The following BACH1 variants were observed in gnomAD, a reference collection of about 807,000 sequenced individuals.
The protein encoded by BACH1 is transcription regulator protein BACH1.
BACH1 carries 35 observed loss-of-function variants against 52.9 expected under a neutral mutation model. The ratio of observed to expected loss-of-function variants is 0.66; its 90% confidence interval spans 0.51 to 0.88. The LOEUF (loss-of-function observed/expected upper bound fraction) is 0.88. Ranked by LOEUF, BACH1 falls within the 40% of genes least tolerant of loss-of-function variation. The probability of loss-of-function intolerance (pLI) is 0.00; values close to 1 mark genes in which losing one functional copy is unlikely to be tolerated. For synonymous variants in BACH1, 321 were observed against 319.6 expected (o/e 1.00, Z -0.05); for missense variants, 808 against 872.6 (o/e 0.93, Z 0.93).
intron 2 of BACH1, among the ~76,000 whole-genome samples, chr21:29,358,098 G>A (rs1341079643): frequency 6.6e-6 from 1 of 152,254 alleles, no homozygotes; most frequent in African/African-American, 2.4e-5. Flanking sequence ...GGACACAGGG[G>A]AGAAGGAGGG....
At chr21:29,331,242 T>C (rs764927606) in intron 4 of BACH1, among the ~76,000 whole-genome samples, 5 of 152,226 alleles carry the variant, frequency 3.3e-5, no homozygotes, top group Non-Finnish European at 5.9e-5. Context: ...GAATGAAATC[T>C]ACATAAAATT....
intron 4 of BACH1, among the ~76,000 whole-genome samples, chr21:29,332,866 C>G (rs2089001284): frequency 6.6e-6 from 1 of 152,228 alleles, no homozygotes; most frequent in South Asian, 2.1e-4. Context: ...TCAAGACCCT[C>G]CTTTCTGGGC....
At chr21:29,328,720 C>T (rs1287598906) in intron 3 of BACH1, among the ~76,000 whole-genome samples, 1 of 152,142 alleles carries the variant, frequency 6.6e-6, no homozygotes, top group African/African-American at 2.4e-5. Context: ...TCTCCCTAGC[C>T]CCTGGCAACC....
Position 29,326,813 on chromosome 21 carries a change from A to G in BACH1, c.989A>G (p.Asp330Gly). The G allele has an allele frequency of 1.2e-6, 2 of 1,614,166 alleles. No homozygotes were observed. The highest frequency in any genetic ancestry group is 1.1e-5 in the South Asian group (1 of 91,084). Residue 330 changes from aspartate (D) to glycine (G), a missense_variant, in exon 3 of 5, where the codon GAC becomes GGC. Coordinates refer to ENST00000286800, the MANE Select transcript of BACH1 (RefSeq NM_001186.4). The part of the protein sequence containing the change: ...LYSLSLLHTY[D>G]QYGDLNFAGM... Reference sequence around the variant, plus strand: ...TCTTTGTCTCTTTTACACACATATGACCAATATGGTGACTTGAATTTTGCT... The same window carrying G: ...TCTTTGTCTCTTTTACACACATATGGCCAATATGGTGACTTGAATTTTGCT...
intron 3 of BACH1, among the ~76,000 whole-genome samples, chr21:29,329,138 T>C (rs1052915105): frequency 6.6e-5 from 10 of 152,088 alleles, no homozygotes; most frequent in African/African-American, 1.2e-4. Context: ...TAAAACCCCA[T>C]CTCTACAAAA....
intron 2 of BACH1, chr21:29,359,117 CCATCATAG>C (rs1433244946): frequency 6.6e-6 from 1 of 151,910 alleles, no homozygotes; most frequent in East Asian, 1.9e-4. Flanking sequence ...ATCAAGATGT[CCATCATAG>C]CATTTATCAT....
In BACH1 at chr21:29,342,703, G is replaced by C; in HGVS notation, c.2081G>C (p.Arg694Pro). Residue 694 changes from arginine (R) to proline (P), a missense_variant, in exon 5 of 5, where the codon CGA (arginine) becomes CCA (proline). Arg to Pro is a moderately radical substitution (Grantham distance 103, BLOSUM62 -2). Transcript: ENST00000286800. ...ARGNSEPGYARGQESQQMSTA... is the reference protein window; with the variant it reads ...ARGNSEPGYAPGQESQQMSTA... ...GGAAACAGTGAGCCTGGCTACGCGCGAGGGCAGGAGTCCCAGCAGATGTCC... is the reference window on the plus strand; with the variant it reads ...GGAAACAGTGAGCCTGGCTACGCGCCAGGGCAGGAGTCCCAGCAGATGTCC... The C allele has an allele frequency of 6.2e-7, 1 of 1,614,204 alleles. No homozygotes were observed. The highest frequency in any genetic ancestry group is 8.5e-7 in the Non-Finnish European group (1 of 1,180,042).
intron 2 of BACH1, among the ~76,000 whole-genome samples, chr21:29,359,644 T>C (rs2089259262): frequency 6.6e-6 from 1 of 151,858 alleles, no homozygotes; most frequent in Non-Finnish European, 1.5e-5. Flanking sequence ...AAAGTCAAGC[T>C]GGGAACTGCA....
chr21:29,307,260 C>T (rs144461012), intron 1 of BACH1, among the ~76,000 whole-genome samples: 5 of 152,306 alleles, frequency 3.3e-5, no homozygotes, highest in African/African-American at 7.2e-5. Flanking sequence ...TTAGCTTATT[C>T]GTCATTCTTT....
chr21:29,352,292 G>C (rs1227130261), intron 2 of BACH1, among the ~76,000 whole-genome samples: 1 of 152,014 alleles, frequency 6.6e-6, no homozygotes, highest in African/African-American at 2.4e-5. Flanking sequence ...GACCTCAAGT[G>C]ATCCGCCCGC....
intron 4 of BACH1, among the ~76,000 whole-genome samples, chr21:29,338,838 T>C (rs1053055331): frequency 2.0e-5 from 3 of 152,208 alleles, no homozygotes; most frequent in Admixed American, 6.5e-5. Context: ...GATTTTTTTT[T>C]CCCTGTGTTT....
At chr21:29,358,799 A>AAAGAGAAAGAAAGAAAG (rs2089253023) in intron 2 of BACH1, among the ~76,000 whole-genome samples, 1 of 133,380 alleles carries the variant, frequency 7.5e-6, no homozygotes, top group African/African-American at 2.5e-5. Flanking sequence ...AGAAAGAAAG[A>AAAGAGAAAGAAAGAAAG]AAGAAAGAAA....
At position 29,313,916 on chromosome 21, in the gene BACH1, T is replaced by C. The variant is rs368735213; in HGVS notation, c.-60-7305T>C. On this transcript the variant is annotated intron_variant, in intron 1 of 4. Transcript: ENST00000286800. ...GGGTGGTGGTGGTTTTATGCACATA[T>C]ACAGTTGTTAAAGGTCATTGTATTG... Among the ~76,000 whole-genome samples the C allele has an allele frequency of 9.8e-5, 15 of 152,328 alleles. No homozygotes were observed. In the East Asian group the frequency reaches 2.5e-3, roughly 25 times the overall value.
intron 2 of BACH1, among the ~76,000 whole-genome samples, chr21:29,357,703 G>A (rs988236308): frequency 8.5e-5 from 13 of 152,122 alleles, no homozygotes; most frequent in African/African-American, 3.1e-4. Context: ...ACTGGTTGTG[G>A]GGTTGCCCCA....
intron 1 of BACH1, among the ~76,000 whole-genome samples, chr21:29,311,602 A>T (rs2088723177): frequency 6.6e-6 from 1 of 152,022 alleles, no homozygotes; most frequent in South Asian, 2.1e-4. Context: ...TTATCTGTTG[A>T]CTTGGTATTA....
At chr21:29,347,287 T>G (rs1033998586), downstream of BACH1, among the ~76,000 whole-genome samples, 2 of 152,138 alleles carry the variant, frequency 1.3e-5, no homozygotes, top group Admixed American at 6.5e-5. Flanking sequence ...CCGGTCACCT[T>G]GGACGACCCC....
intron 4 of BACH1, 45 bp downstream of exon 4, chr21:29,329,738 C>G: frequency 7.4e-7 from 1 of 1,350,104 alleles, no homozygotes; most frequent in Non-Finnish European, 9.8e-7. Flanking sequence ...CCACCACTTT[C>G]TTTTTTGTCA....
chr21:29,332,099 A>T (rs2088990917), intron 4 of BACH1, among the ~76,000 whole-genome samples: 1 of 151,664 alleles, frequency 6.6e-6, no homozygotes, highest in South Asian at 2.1e-4. Context: ...CACCCAACTA[A>T]TTTTTTGTAT....
At chr21:29,341,842 A>T (rs1032291619) in intron 4 of BACH1, among the ~76,000 whole-genome samples, 1 of 152,248 alleles carries the variant, frequency 6.6e-6, no homozygotes, top group Non-Finnish European at 1.5e-5. Flanking sequence ...TGCTCAACAA[A>T]TGCTGGTCAT....
Sources: allele counts gnomAD v4.1 joint callset (sites outside exome capture counted in the v4.1 genomes callset), GRCh38; gene constraint gnomAD v4.1.1; transcripts MANE v1.5; gene names NCBI Gene and HGNC (gene_info 2026-07-23, HGNC 2026-07-21).